LVRN: variants seen among roughly 807,000 people sequenced by gnomAD.
The protein encoded by LVRN is laeverin.
Under a neutral mutation model 111.4 loss-of-function variants are expected in LVRN, and 99 were observed. The ratio of observed to expected loss-of-function variants is 0.89; its 90% CI spans 0.76 to 1.05. LVRN has a LOEUF of 1.05. LVRN is among the 50% of genes least tolerant of loss of function. The pLI, the probability that LVRN is intolerant of heterozygous loss-of-function variation, is 0.00. For missense variants in LVRN, 1,414 were observed against 1,206.8 expected, an observed-to-expected ratio of 1.17 and a Z score of -2.54; for synonymous variants, 488 against 449.5, an observed-to-expected ratio of 1.09 and a Z score of -1.08.
chr5:115,966,141 C>A (rs1254693311), intron 1 of LVRN, among the ~76,000 whole-genome samples: 1 of 152,082 alleles, frequency 6.6e-6, no homozygotes, highest in African/African-American at 2.4e-5. Context: ...CGTACATTTG[C>A]GCAAAAACTA....
At chr5:115,984,544 A>C in intron 2 of LVRN, 26 bp from the exon 3 acceptor site, 1 of 1,611,182 alleles carries the variant, frequency 6.2e-7, no homozygotes, top group Non-Finnish European at 8.5e-7. Flanking sequence ...ATTTGCTGTG[A>C]TTTGAACTAA....
chr5:115,971,836 TCTATTAA>T (rs886616806), intron 1 of LVRN, among the ~76,000 whole-genome samples: 2 of 152,062 alleles, frequency 1.3e-5, no homozygotes, highest in African/African-American at 2.4e-5. Flanking sequence ...CTTGTTAATA[TCTATTAA>T]ATAAAGAAAA....
At position 115,999,770 on chromosome 5, in the gene LVRN, C is replaced by A. The variant is rs1561563282; in HGVS notation, c.1383C>A (p.Ile461=). Residue 461 remains isoleucine (I), a synonymous_variant, in exon 7 of 20, where the codon ATC becomes ATA. Transcript: ENST00000357872. ...CATCTTTTCCTTTATAGAATGAGATCTTTTTTTCTAACATTTTACATAATA... is the reference window on the plus strand; with the variant it reads ...CATCTTTTCCTTTATAGAATGAGATATTTTTTTCTAACATTTTACATAATA... ...YFNPKLPRNE[I]FFSNILHNIL... 4.3e-6 allele frequency: 7 copies of A among 1,613,270 alleles called. No individual in the cohort carries two copies. The highest frequency in any genetic ancestry group is 5.9e-6 in the Non-Finnish European group (7 of 1,179,678).
chr5:116,018,677 C>CA (rs139054508), intron 18 of LVRN, among the ~76,000 whole-genome samples: 41,524 of 151,044 alleles, frequency 0.27, 5,961 homozygotes, highest in African/African-American at 0.34. Context: ...ACTCCATCTC[C>CA]AAAAAAGAAA....
At chr5:115,999,724 C>T (rs2112600211) in intron 6 of LVRN, 38 bp from the exon 7 acceptor site, 1 of 1,608,122 alleles carries the variant, frequency 6.2e-7, no homozygotes, top group Non-Finnish European at 8.5e-7. Context: ...TTCTGTGACA[C>T]CTCAGGAGTT....
rs1198479576 is a variant in LVRN, at chr5:116,012,531, G to A, written c.2342+63G>A. 4.1e-6 allele frequency: 4 copies of A among 973,490 alleles called. No homozygotes were observed. In the East Asian group the frequency reaches 8.4e-5, roughly 21 times the overall value. The allele number at this position is 973,490 out of a possible 1,614,324, so 60.3% of individuals were successfully genotyped here. ...CATTCATATTAATAGGCTTCCAGAA[G>A]TAATAAAATAAAATCTTCATATCTG... is the stretch of plus-strand genomic sequence containing the variant. On this transcript the variant is annotated intron_variant, in intron 15 of 19. Coordinates refer to ENST00000357872, the MANE Select transcript of LVRN (RefSeq NM_173800.5).
At chr5:116,001,373 G>GCTCTGCTTCACCC in intron 10 of LVRN, 134 bp downstream of exon 10, 1 of 1,037,876 alleles carries the variant, frequency 9.6e-7, no homozygotes, top group Non-Finnish European at 1.4e-6. Flanking sequence ...GTGTACTAGG[G>GCTCTGCTTCACCC]TGAAGCAGAG....
chr5:116,009,310 C>G (rs1748440458), intron 13 of LVRN, among the ~76,000 whole-genome samples: 1 of 152,134 alleles, frequency 6.6e-6, no homozygotes. Context: ...TGATGATGCA[C>G]TTGGTTACAC....
intron 13 of LVRN, among the ~76,000 whole-genome samples, chr5:116,009,780 T>C (rs901698253): frequency 1.3e-5 from 2 of 152,154 alleles, no homozygotes; most frequent in African/African-American, 4.8e-5. Flanking sequence ...AGTTGCTTCT[T>C]ATGGATGAGC....
intron 13 of LVRN, among the ~76,000 whole-genome samples, chr5:116,006,627 TTC>T: frequency 6.6e-6 from 1 of 152,212 alleles, no homozygotes; most frequent in Non-Finnish European, 1.5e-5. Flanking sequence ...CTGACTCCTC[TTC>T]TACTGCTGTG....
intron 1 of LVRN, among the ~76,000 whole-genome samples, chr5:115,970,577 G>A (rs934005020): frequency 6.6e-6 from 1 of 151,918 alleles, no homozygotes; most frequent in South Asian, 2.1e-4. Context: ...AGTAGAGATG[G>A]GGTTTCACCA....
chr5:116,007,230 T>C (rs572865978), intron 13 of LVRN, among the ~76,000 whole-genome samples: 1 of 152,320 alleles, frequency 6.6e-6, no homozygotes, highest in Admixed American at 6.5e-5. Context: ...ATTCCAATTG[T>C]TTAAATACCC....
chr5:115,984,446 A>T, intron 2 of LVRN, 124 bp from the exon 3 acceptor site: 1 of 1,197,004 alleles, frequency 8.4e-7, no homozygotes, highest in Non-Finnish European at 1.2e-6. Context: ...GAGAAATCTG[A>T]ACTGCTAGAC....
In LVRN at chr5:116,026,878, A is replaced by G. The variant is rs560653760; in HGVS notation, c.*760A>G. ...TGAAGCTCTTAATTGTGTATTCACC[A>G]GTGGGATGGACACCCTTTCAGCCTA... is the stretch of plus-strand genomic sequence containing the variant. On this transcript the variant is annotated 3_prime_UTR_variant, in exon 20 of 20. Coordinates refer to ENST00000357872, the MANE Select transcript of LVRN (RefSeq NM_173800.5). 3.3e-5 allele frequency: 5 copies of G among 152,410 alleles called. No individual in the cohort carries two copies. The highest frequency in any genetic ancestry group is 1.2e-4 in the African/African-American group (5 of 41,592). The allele number at this position is 152,410 out of a possible 1,614,324, so 9.4% of individuals were successfully genotyped here. A position where few individuals can be genotyped will look rare whatever the true frequency, so the allele number is the denominator to read the frequency against.
intron 4 of LVRN, among the ~76,000 whole-genome samples, chr5:115,990,987 C>G (rs1282264247): frequency 6.6e-6 from 1 of 152,128 alleles, no homozygotes; most frequent in African/African-American, 2.4e-5. Context: ...TCCCTCCTTT[C>G]TCCTGTTGTC....
At chr5:116,000,336 C>G (rs1748212121) in intron 7 of LVRN, 97 bp from the exon 8 acceptor site, 6 of 1,495,462 alleles carry the variant, frequency 4.0e-6, no homozygotes, top group Non-Finnish European at 5.6e-6. Context: ...AAAATGCAAT[C>G]AGGAGCACAG....
intron 6 of LVRN, 134 bp downstream of exon 6, chr5:115,993,988 G>T (rs1465936135): frequency 4.0e-6 from 2 of 499,996 alleles, no homozygotes; most frequent in Non-Finnish European, 6.6e-6. Context: ...AAAATAATTT[G>T]TGTTAGCTTT....
intron 11 of LVRN, 102 bp downstream of exon 11, chr5:116,003,013 A>T: frequency 9.7e-7 from 1 of 1,030,310 alleles, no homozygotes; most frequent in Non-Finnish European, 1.4e-6. Context: ...TTCATTTCAA[A>T]CTAAAATATC....
In LVRN at chr5:116,026,941, G is replaced by T. The variant is rs1367778941; in HGVS notation, c.*823G>T. Reference sequence around the variant, plus strand: ...AAAACAATGATGTCAAAAGACAATAGCAAGTATAGGCTACTATTTAGGGCA... The same window carrying T: ...AAAACAATGATGTCAAAAGACAATATCAAGTATAGGCTACTATTTAGGGCA... On this transcript the variant is annotated 3_prime_UTR_variant, in exon 20 of 20. Coordinates refer to ENST00000357872, the MANE Select transcript of LVRN (RefSeq NM_173800.5). 6.6e-6 allele frequency: 1 copy of T among 152,238 alleles called. No homozygotes were observed. Among genetic ancestry groups the T allele is most frequent in the Non-Finnish European group, 1.5e-5 (1 of 68,058 alleles). 9.4% of individuals were successfully genotyped at this position (152,238 alleles called of 1,614,324 possible). A position where few individuals can be genotyped will look rare whatever the true frequency, so the allele number is the denominator to read the frequency against.
Sources: allele counts gnomAD v4.1 joint callset (sites outside exome capture counted in the v4.1 genomes callset), GRCh38; gene constraint gnomAD v4.1.1; transcripts MANE v1.5; gene names NCBI Gene and HGNC (gene_info 2026-07-23, HGNC 2026-07-21).